The following PLEKHM3 variants were observed in gnomAD, a reference collection of about 807,000 sequenced individuals.
PLEKHM3 encodes the protein pleckstrin homology domain containing M3, also known as pleckstrin homology domain-containing family M member 3.
In PLEKHM3, 45 loss-of-function variants were observed where a neutral mutation model predicts 81.8. The observed-to-expected ratio is 0.55, with a 90% CI of 0.43 to 0.71. The LOEUF (loss-of-function observed/expected upper bound fraction) is 0.71. Ranked by LOEUF, PLEKHM3 falls within the 30% of genes least tolerant of loss-of-function variation. The pLI, the probability that PLEKHM3 is intolerant of heterozygous loss-of-function variation, is 0.00. For synonymous variants in PLEKHM3, 352 were observed against 356.4 expected, an observed-to-expected ratio of 0.99 and a Z score of 0.14; for missense variants, 788 against 924.3, an observed-to-expected ratio of 0.85 and a Z score of 1.91.
chr2:207,972,561 T>A (rs1574457543), intron 3 of PLEKHM3, among the ~76,000 whole-genome samples: 1 of 134,248 alleles, frequency 7.4e-6, no homozygotes. Flanking sequence ...CACTCCAGCC[T>A]GGGCAACAGG....
At chr2:207,983,249 C>T (rs753260427) in intron 2 of PLEKHM3, among the ~76,000 whole-genome samples, 9 of 151,588 alleles carry the variant, frequency 5.9e-5, no homozygotes, top group African/African-American at 2.2e-4. Flanking sequence ...GACGGGGTTT[C>T]GCCATGTTAA....
intron 2 of PLEKHM3, among the ~76,000 whole-genome samples, chr2:207,999,203 T>A (rs535332759): frequency 3.7e-4 from 57 of 152,120 alleles, no homozygotes. Context: ...GACTGGTCTC[T>A]GACCTCAAAT....
intron 2 of PLEKHM3, among the ~76,000 whole-genome samples, chr2:207,990,760 T>C (rs184396847): frequency 1.0e-3 from 157 of 152,270 alleles, no homozygotes; most frequent in African/African-American, 3.7e-3. Flanking sequence ...TCCACAGATA[T>C]TTTTATTAAC....
chr2:207,987,942 C>T (rs1691780841), intron 2 of PLEKHM3, among the ~76,000 whole-genome samples: 1 of 152,222 alleles, frequency 6.6e-6, no homozygotes, highest in Non-Finnish European at 1.5e-5. Context: ...ATCACCAATT[C>T]TGGATCACAC....
At chr2:207,954,441 C>T (rs980678388) in intron 3 of PLEKHM3, among the ~76,000 whole-genome samples, 1 of 152,126 alleles carries the variant, frequency 6.6e-6, no homozygotes, top group African/African-American at 2.4e-5. Flanking sequence ...ATGTTCAATA[C>T]ACATTATATC....
At chr2:207,959,868 C>T (rs1690672275) in intron 3 of PLEKHM3, among the ~76,000 whole-genome samples, 1 of 152,158 alleles carries the variant, frequency 6.6e-6, no homozygotes, top group Admixed American at 6.5e-5. Flanking sequence ...TTCGTTTTCA[C>T]CCCAACCAAA....
intron 2 of PLEKHM3, among the ~76,000 whole-genome samples, chr2:207,980,170 C>T (rs1216538287): frequency 6.6e-6 from 1 of 152,168 alleles, no homozygotes. Flanking sequence ...TAAAAACCAC[C>T]TCTCCTGCTT....
chr2:208,018,171 G>C (rs1026872357), intron 1 of PLEKHM3, among the ~76,000 whole-genome samples: 1 of 151,948 alleles, frequency 6.6e-6, no homozygotes, highest in African/African-American at 2.4e-5. Context: ...TCAAGAGATC[G>C]AGACAATCCT....
At chr2:207,915,162 TG>T (rs1688946769) in intron 5 of PLEKHM3, among the ~76,000 whole-genome samples, 1 of 152,178 alleles carries the variant, frequency 6.6e-6, no homozygotes, top group Non-Finnish European at 1.5e-5. Flanking sequence ...CCTGACACAC[TG>T]GGAAGGTAAC....
rs563050813 is a variant in PLEKHM3, at chr2:207,925,935, T to C, written c.1886+4991A>G. On this transcript the variant is annotated intron_variant, in intron 5 of 7. Transcript: ENST00000427836. ...TCTAGACATTCGGCATCCTTTGAGA[T>C]GAACTTCCTGACCGAGTTACGGATC... is the stretch of plus-strand genomic sequence containing the variant. Among the ~76,000 whole-genome samples, 42 of 152,116 alleles carry C rather than the reference T, an allele frequency of 2.8e-4. No homozygotes were observed. The South Asian group carries it at 8.7e-3, about 32-fold the overall frequency.
chr2:208,015,922 G>A (rs761808337), intron 1 of PLEKHM3, among the ~76,000 whole-genome samples: 2 of 152,160 alleles, frequency 1.3e-5, no homozygotes, highest in Non-Finnish European at 2.9e-5. Context: ...GGCCAGGCAC[G>A]GTGGCTCATG....
At chr2:207,881,565 A>G (rs1336470486) in intron 6 of PLEKHM3, among the ~76,000 whole-genome samples, 2 of 152,218 alleles carry the variant, frequency 1.3e-5, no homozygotes, top group East Asian at 3.8e-4. Context: ...GTTATTTTCT[A>G]TTCAGTAACT....
At chr2:207,906,529 C>T (rs1399243894) in intron 6 of PLEKHM3, among the ~76,000 whole-genome samples, 3 of 152,224 alleles carry the variant, frequency 2.0e-5, no homozygotes, top group African/African-American at 4.8e-5. Context: ...AGGCTCACAC[C>T]TGTAATCCCA....
chr2:207,963,983 C>T (rs1032779044), intron 3 of PLEKHM3, among the ~76,000 whole-genome samples: 4 of 152,176 alleles, frequency 2.6e-5, no homozygotes, highest in South Asian at 2.1e-4. Flanking sequence ...AGGCTGAGGC[C>T]GGCAGATCAC....
At chr2:207,841,141 TG>T in intron 7 of PLEKHM3, among the ~76,000 whole-genome samples, 3 of 152,036 alleles carry the variant, frequency 2.0e-5, no homozygotes, top group East Asian at 3.9e-4. Flanking sequence ...TTTGCTTCCA[TG>T]GCTTAGAAAG....
At chr2:207,853,558 ACTCTGT>A (rs2092423634) in intron 7 of PLEKHM3, among the ~76,000 whole-genome samples, 1 of 151,544 alleles carries the variant, frequency 6.6e-6, no homozygotes, top group Non-Finnish European at 1.5e-5. Flanking sequence ...ACATGGTGAA[ACTCTGT>A]CTCTACTAAA....
chr2:207,952,125 A>G (rs1690347078), intron 3 of PLEKHM3, among the ~76,000 whole-genome samples: 1 of 152,244 alleles, frequency 6.6e-6, no homozygotes, highest in African/African-American at 2.4e-5. Context: ...ATAAAAAAGA[A>G]AAGAAGGTGC....
At chr2:207,930,199 G>A (rs1360112063) in intron 5 of PLEKHM3, among the ~76,000 whole-genome samples, 1 of 152,186 alleles carries the variant, frequency 6.6e-6, no homozygotes, top group Non-Finnish European at 1.5e-5. Flanking sequence ...ACGGTAAGAT[G>A]AAAAGGCAGA....
In PLEKHM3 at chr2:208,001,875, C is replaced by T. The variant is rs966407982; in HGVS notation, c.-236G>A. 9 of 546,556 alleles carry T rather than the reference C, an allele frequency of 1.6e-5. No homozygotes were observed. The highest frequency in any genetic ancestry group is 1.5e-4 in the African/African-American group (8 of 52,926). The allele number at this position is 546,556 out of a possible 1,614,324, so 33.9% of individuals were successfully genotyped here. A position where few individuals can be genotyped will look rare whatever the true frequency, so the allele number is the denominator to read the frequency against. On this transcript the variant is annotated 5_prime_UTR_variant, in exon 2 of 8. Coordinates refer to ENST00000427836, the MANE Select transcript of PLEKHM3 (RefSeq NM_001080475.3). ...AGATGTATAGGGAGACCAAATGTTC[C>T]TTTGAGATTATTCTTCAGTGAGACC...
Sources: gnomAD v4.1 joint callset for allele counts (sites outside exome capture counted in the v4.1 genomes callset) on GRCh38, gnomAD v4.1.1 for gene constraint, MANE v1.5 for transcripts, NCBI Gene and HGNC (gene_info 2026-07-23, HGNC 2026-07-21) for gene names.